ASAP1: variants seen among roughly 807,000 people sequenced by gnomAD.
ASAP1 encodes the protein arf-GAP with SH3 domain, ANK repeat and PH domain-containing protein 1.
In ASAP1, 43 loss-of-function variants were observed where a neutral mutation model predicts 145.2. The observed-to-expected ratio is 0.30, with a 90% CI of 0.23 to 0.38. The LOEUF (loss-of-function observed/expected upper bound fraction) is 0.38. Ranked by LOEUF, ASAP1 falls within the 10% of genes least tolerant of loss-of-function variation. ASAP1 has a pLI of 1.00. For missense variants in ASAP1, 1,018 were observed against 1,355.3 expected, an observed-to-expected ratio of 0.75 and a Z score of 3.91; for synonymous variants, 546 against 515.5, an observed-to-expected ratio of 1.06 and a Z score of -0.80.
intron 2 of ASAP1, among the ~76,000 whole-genome samples, chr8:130,385,646 T>C (rs1827979256): frequency 6.6e-6 from 1 of 152,222 alleles, no homozygotes; most frequent in Admixed American, 6.5e-5. Flanking sequence ...GGATGTTTAT[T>C]TGGTGTGTCC....
chr8:130,237,012 G>A lies in ASAP1; in HGVS notation c.187-18C>T. The A allele has an allele frequency of 1.3e-6, 2 of 1,528,178 alleles. No individual in the cohort carries two copies. Among genetic ancestry groups the A allele is most frequent in the South Asian group, 2.5e-5 (2 of 80,298 alleles). 94.7% of individuals were successfully genotyped at this position (1,528,178 alleles called of 1,614,324 possible). A position where few individuals can be genotyped will look rare whatever the true frequency, so the allele number is the denominator to read the frequency against. On this transcript the variant is annotated intron_variant, in intron 3 of 29. Transcript: ENST00000518721. ...TCTAGAGCCTAAAAGAGAAAAAAGG[G>A]GGAAAAGATATTAGAAGATTTGGTA... is the stretch of plus-strand genomic sequence containing the variant.
At chr8:130,123,114 G>C (rs1418593886) in intron 18 of ASAP1, among the ~76,000 whole-genome samples, 1 of 152,148 alleles carries the variant, frequency 6.6e-6, no homozygotes, top group Non-Finnish European at 1.5e-5. Flanking sequence ...CTACCATAGA[G>C]TATTTCATCA....
At chr8:130,355,836 A>G (rs1356354866) in intron 3 of ASAP1, among the ~76,000 whole-genome samples, 1 of 152,220 alleles carries the variant, frequency 6.6e-6, no homozygotes, top group Non-Finnish European at 1.5e-5. Context: ...GTGCAACCTC[A>G]AGAATTAAAA....
chr8:130,288,347 G>C (rs1210236127), intron 3 of ASAP1, among the ~76,000 whole-genome samples: 1 of 149,378 alleles, frequency 6.7e-6, no homozygotes, highest in Non-Finnish European at 1.5e-5. Context: ...TACAAGAGCT[G>C]ATATTAAAAA....
intron 11 of ASAP1, chr8:130,160,773 G>A (rs2097667515): frequency 1.6e-6 from 2 of 1,278,900 alleles, no homozygotes; most frequent in South Asian, 2.5e-5. Context: ...CTCATAAAAA[G>A]TATTGACTTA....
At chr8:130,375,490 T>C (rs1586932617) in intron 2 of ASAP1, among the ~76,000 whole-genome samples, 1 of 150,816 alleles carries the variant, frequency 6.6e-6, no homozygotes. Flanking sequence ...AGCCCAGGAG[T>C]TCGAGGTTAC....
chr8:130,273,983 A>G (rs767379014), intron 3 of ASAP1, among the ~76,000 whole-genome samples: 1 of 152,312 alleles, frequency 6.6e-6, no homozygotes, highest in Non-Finnish European at 1.5e-5. Context: ...GAGAAAAGTA[A>G]AGAGACCTGA....
At chr8:130,148,496 T>C (rs1015735691) in intron 13 of ASAP1, among the ~76,000 whole-genome samples, 6 of 152,222 alleles carry the variant, frequency 3.9e-5, no homozygotes, top group African/African-American at 1.4e-4. Context: ...GCCTATCCTG[T>C]AGGGCCATCT....
intron 5 of ASAP1, among the ~76,000 whole-genome samples, chr8:130,197,553 C>A (rs1378771648): frequency 6.6e-6 from 1 of 152,222 alleles, no homozygotes; most frequent in East Asian, 1.9e-4. Context: ...TCCTGGTAAC[C>A]CTACAAGGTA....
chr8:130,185,644 G>A (rs890861385), intron 7 of ASAP1, among the ~76,000 whole-genome samples: 12 of 147,830 alleles, frequency 8.1e-5, no homozygotes, highest in Non-Finnish European at 1.5e-4. Flanking sequence ...CAGGAGAATC[G>A]CTTGAACCCA....
intron 24 of ASAP1, among the ~76,000 whole-genome samples, chr8:130,095,583 G>A (rs1252294850): frequency 6.6e-6 from 1 of 150,528 alleles, no homozygotes; most frequent in East Asian, 2.0e-4. Flanking sequence ...TTACAGGCGT[G>A]AGCCACCATG....
intron 3 of ASAP1, among the ~76,000 whole-genome samples, chr8:130,238,690 C>A (rs1818354246): frequency 6.6e-6 from 1 of 152,084 alleles, no homozygotes. Flanking sequence ...GGATCATCTT[C>A]ATTTTTCAGA....
intron 3 of ASAP1, among the ~76,000 whole-genome samples, chr8:130,244,967 G>A (rs1818759441): frequency 6.6e-6 from 1 of 152,106 alleles, no homozygotes; most frequent in African/African-American, 2.4e-5. Context: ...ACAGCAGTTT[G>A]AGGAGTTGAG....
At chr8:130,107,837 C>T (rs2097540182) in intron 24 of ASAP1, among the ~76,000 whole-genome samples, 1 of 152,198 alleles carries the variant, frequency 6.6e-6, no homozygotes, top group Non-Finnish European at 1.5e-5. Context: ...GCATGAGACA[C>T]CACGCCCGAC....
intron 3 of ASAP1, among the ~76,000 whole-genome samples, chr8:130,283,583 GAAAGAAAAAAAAAAA>G (rs1398630635): frequency 1.0e-4 from 10 of 98,792 alleles, no homozygotes; most frequent in Admixed American, 3.6e-4. Context: ...CTCCATCACA[GAAAGAAAAAAAAAAA>G]AAAAAAAAAA....
chr8:130,245,728 A>G (rs1171545702), intron 3 of ASAP1, among the ~76,000 whole-genome samples: 1 of 152,204 alleles, frequency 6.6e-6, no homozygotes, highest in East Asian at 1.9e-4. Context: ...TGTCAAATAA[A>G]TCTGCCTCTA....
intron 4 of ASAP1, among the ~76,000 whole-genome samples, chr8:130,216,748 A>G (rs747033369): frequency 2.0e-5 from 3 of 152,236 alleles, no homozygotes; most frequent in Non-Finnish European, 4.4e-5. Context: ...TCTGTAATAC[A>G]GACATATATT....
At chr8:130,210,117 CTT>C in intron 5 of ASAP1, among the ~76,000 whole-genome samples, 1 of 152,248 alleles carries the variant, frequency 6.6e-6, no homozygotes, top group African/African-American at 2.4e-5. Flanking sequence ...ATACTCTTCT[CTT>C]TTCCCAATAC....
chr8:130,269,246 G>A (rs550053890), intron 3 of ASAP1, among the ~76,000 whole-genome samples: 1 of 152,286 alleles, frequency 6.6e-6, no homozygotes, highest in African/African-American at 2.4e-5. Context: ...TGGTTTAGCT[G>A]TGGATAAATT....
Sources: gnomAD v4.1 joint callset for allele counts (sites outside exome capture counted in the v4.1 genomes callset) on GRCh38, gnomAD v4.1.1 for gene constraint, MANE v1.5 for transcripts, NCBI Gene and HGNC (gene_info 2026-07-23, HGNC 2026-07-21) for gene names.